SPAG16: variants seen among roughly 807,000 people sequenced by gnomAD.
The protein encoded by SPAG16 is sperm-associated antigen 16 protein.
A neutral mutation model predicts 80.4 loss-of-function variants in SPAG16; 86 were observed. The ratio of observed to expected loss-of-function variants is 1.07; its 90% CI spans 0.90 to 1.28. The LOEUF is 1.28. Ranked by LOEUF, SPAG16 falls within the 50% of genes most tolerant of loss-of-function variation. The pLI is 0.00. For missense variants in SPAG16, 870 were observed against 765.3 expected (o/e 1.14, Z -1.61); for synonymous variants, 294 against 265.9 (o/e 1.11, Z -1.03).
chr2:214,108,954 A>C (rs571327056), intron 14 of SPAG16, among the ~76,000 whole-genome samples: 2 of 152,236 alleles, frequency 1.3e-5, no homozygotes, highest in East Asian at 3.9e-4. Flanking sequence ...TCCCCAATGC[A>C]AGAGTGTTTG....
At chr2:214,025,582 C>CAACATTT (rs1243972495) in intron 13 of SPAG16, among the ~76,000 whole-genome samples, 1 of 151,506 alleles carries the variant, frequency 6.6e-6, no homozygotes, top group Non-Finnish European at 1.5e-5. Flanking sequence ...AAATTAAATG[C>CAACATTT]AACATTTGTG....
At chr2:213,414,914 T>C (rs530255460) in intron 9 of SPAG16, among the ~76,000 whole-genome samples, 1 of 152,352 alleles carries the variant, frequency 6.6e-6, no homozygotes, top group Non-Finnish European at 1.5e-5. Flanking sequence ...CATAGTCACA[T>C]GGATGGCAGC....
chr2:213,881,654 C>G (rs1314966247), intron 11 of SPAG16, among the ~76,000 whole-genome samples: 2 of 152,158 alleles, frequency 1.3e-5, no homozygotes, highest in Non-Finnish European at 2.9e-5. Flanking sequence ...GGGGAACAAC[C>G]CCTTATAAAA....
intron 10 of SPAG16, among the ~76,000 whole-genome samples, chr2:213,859,689 G>C (rs979139401): frequency 2.0e-5 from 3 of 152,146 alleles, no homozygotes; most frequent in African/African-American, 7.2e-5. Context: ...TTCAAAGTTG[G>C]CTTCCGTTCA....
At chr2:213,285,911 A>G (rs2062038911) in intron 1 of SPAG16, 2 of 1,289,288 alleles carry the variant, frequency 1.6e-6, no homozygotes, top group Non-Finnish European at 1.0e-6. Context: ...TGCCCTTGCT[A>G]CTGAATGGTA....
intron 11 of SPAG16, among the ~76,000 whole-genome samples, chr2:213,898,376 C>T (rs1321183514): frequency 6.6e-6 from 1 of 152,098 alleles, no homozygotes; most frequent in Non-Finnish European, 1.5e-5. Flanking sequence ...TAAATGCTTA[C>T]CTGAGGGTTA....
intron 9 of SPAG16, among the ~76,000 whole-genome samples, chr2:213,390,163 T>C (rs1465168564): frequency 6.6e-6 from 1 of 152,176 alleles, no homozygotes; most frequent in Non-Finnish European, 1.5e-5. Flanking sequence ...ATTCCGTGTA[T>C]ATGAGGTACT....
intron 10 of SPAG16, among the ~76,000 whole-genome samples, chr2:213,597,546 A>T (rs1425378132): frequency 6.6e-6 from 1 of 152,170 alleles, no homozygotes; most frequent in Non-Finnish European, 1.5e-5. Context: ...TACTGAAACA[A>T]GATTTTAATT....
intron 12 of SPAG16, among the ~76,000 whole-genome samples, chr2:213,976,584 G>A (rs777250983): frequency 6.6e-6 from 1 of 152,042 alleles, no homozygotes; most frequent in Non-Finnish European, 1.5e-5. Flanking sequence ...GTATGATCAT[G>A]TGCATGGAGA....
At chr2:213,566,214 T>A (rs1395217342) in intron 10 of SPAG16, among the ~76,000 whole-genome samples, 2 of 152,172 alleles carry the variant, frequency 1.3e-5, no homozygotes, top group African/African-American at 4.8e-5. Flanking sequence ...TTGGAGGAAT[T>A]ATCCAAATTG....
intron 15 of SPAG16, among the ~76,000 whole-genome samples, chr2:214,281,918 G>T (rs946114499): frequency 2.6e-5 from 4 of 152,226 alleles, no homozygotes; most frequent in Admixed American, 2.6e-4. Flanking sequence ...CAGTATATAT[G>T]GTGTGATCCC....
At chr2:213,354,284 C>T (rs1294714831) in intron 7 of SPAG16, among the ~76,000 whole-genome samples, 1 of 152,166 alleles carries the variant, frequency 6.6e-6, no homozygotes, top group African/African-American at 2.4e-5. Context: ...TCCAGTCTAT[C>T]ATTGATGGAC....
At chr2:213,825,584 A>G (rs941841405) in intron 10 of SPAG16, among the ~76,000 whole-genome samples, 58 of 151,992 alleles carry the variant, frequency 3.8e-4, no homozygotes, top group Non-Finnish European at 1.0e-4. Flanking sequence ...CCACTTGGTC[A>G]TGATGAGTCA....
chr2:213,720,980 T>G (rs1239747723), intron 10 of SPAG16, among the ~76,000 whole-genome samples: 3 of 152,094 alleles, frequency 2.0e-5, no homozygotes, highest in East Asian at 1.9e-4. Context: ...TTTATATTTC[T>G]TGACCTCGTG....
intron 15 of SPAG16, among the ~76,000 whole-genome samples, chr2:214,353,251 C>A (rs1418953154): frequency 6.6e-6 from 1 of 151,358 alleles, no homozygotes; most frequent in African/African-American, 2.4e-5. Flanking sequence ...ATTAATTCAA[C>A]ATTTCTTAAG....
intron 10 of SPAG16, among the ~76,000 whole-genome samples, chr2:213,530,615 G>A (rs1575854373): frequency 6.6e-6 from 1 of 152,032 alleles, no homozygotes; most frequent in Non-Finnish European, 1.5e-5. Context: ...TTTTAGTTCT[G>A]CCAGTTATTA....
At chr2:213,725,289 G>T (rs1020910493) in intron 10 of SPAG16, among the ~76,000 whole-genome samples, 2 of 152,292 alleles carry the variant, frequency 1.3e-5, no homozygotes, top group African/African-American at 4.8e-5. Context: ...CTCTCAAAGG[G>T]CTGGTATTAC....
chr2:213,881,547 G>T (rs968492406), intron 11 of SPAG16, among the ~76,000 whole-genome samples: 1 of 152,170 alleles, frequency 6.6e-6, no homozygotes, highest in Non-Finnish European at 1.5e-5. Flanking sequence ...CAGCATGGCT[G>T]GGGAGGCCTC....
intron 11 of SPAG16, among the ~76,000 whole-genome samples, chr2:213,889,516 G>A (rs1423972903): frequency 6.6e-6 from 1 of 151,012 alleles, no homozygotes; most frequent in African/African-American, 2.4e-5. Flanking sequence ...AAATATATCT[G>A]TTCTTCTTTG....
Sources: gnomAD v4.1 joint callset for allele counts (sites outside exome capture counted in the v4.1 genomes callset) on GRCh38, gnomAD v4.1.1 for gene constraint, MANE v1.5 for transcripts, NCBI Gene and HGNC (gene_info 2026-07-23, HGNC 2026-07-21) for gene names.